Variants in MEGF11 observed in about 807,000 individuals in gnomAD.
The protein encoded by MEGF11 is multiple EGF like domains 11, also known as multiple epidermal growth factor-like domains protein 11.
Under a neutral mutation model 146.6 loss-of-function variants are expected in MEGF11, and 126 were observed. The observed-to-expected ratio is 0.86, with a 90% CI of 0.74 to 1.00. The LOEUF is 1.00. MEGF11 is among the 50% of genes least tolerant of loss of function. The pLI, the probability that MEGF11 is intolerant of heterozygous loss-of-function variation, is 0.00. For synonymous variants in MEGF11, 532 were observed against 583.4 expected (o/e 0.91, Z 1.27); for missense variants, 1,509 against 1,521.2 (o/e 0.99, Z 0.13).
intron 5 of MEGF11, among the ~76,000 whole-genome samples, chr15:65,989,590 G>A (rs543476664): frequency 1.3e-4 from 20 of 152,358 alleles, no homozygotes; most frequent in African/African-American, 4.8e-4. Context: ...ACTTCCCAGT[G>A]AGTGAGGCCA....
intron 1 of MEGF11, among the ~76,000 whole-genome samples, chr15:66,182,126 C>T (rs766099638): frequency 4.6e-5 from 7 of 152,164 alleles, no homozygotes; most frequent in Non-Finnish European, 1.0e-4. Flanking sequence ...CTAAGGACAA[C>T]AGCAGGTGGA....
At position 65,929,786 on chromosome 15, in the gene MEGF11, G is replaced by T. The variant is rs1205845940; in HGVS notation, c.1506C>A (p.Ser502Arg). Residue 502 changes from serine to arginine, a missense_variant, in exon 12 of 26, where the codon AGC becomes AGA. By Grantham distance (110) the Ser-to-Arg change is moderately radical. Coordinates refer to ENST00000395614, the MANE Select transcript of MEGF11 (RefSeq NM_001385028.1). The stretch of plus-strand genomic sequence containing the variant: ...TGCAGGAGCAGGAGCCGTCTATGGG[G>T]CTGCAGGCTGCCCCATTGGCACAGG... The part of the protein sequence containing the change: ...SCTCANGAAC[S>R]PIDGSCSCTP... 3.8e-6 allele frequency: 6 copies of T among 1,561,960 alleles called. No individual in the cohort carries two copies. In the South Asian group the frequency reaches 7.1e-5, roughly 18 times the overall value.
At chr15:66,020,264 C>T (rs1462548269) in intron 5 of MEGF11, among the ~76,000 whole-genome samples, 1 of 152,250 alleles carries the variant, frequency 6.6e-6, no homozygotes, top group Non-Finnish European at 1.5e-5. Context: ...TAGGTGTTCT[C>T]TTCCATTTGG....
At chr15:66,052,786 G>A (rs1282684351) in intron 5 of MEGF11, among the ~76,000 whole-genome samples, 1 of 152,220 alleles carries the variant, frequency 6.6e-6, no homozygotes, top group African/African-American at 2.4e-5. Flanking sequence ...AACCATGTTA[G>A]AAGGTTCTCA....
At chr15:66,040,925 T>TA (rs1202284962) in intron 5 of MEGF11, among the ~76,000 whole-genome samples, 1 of 150,934 alleles carries the variant, frequency 6.6e-6, no homozygotes, top group Admixed American at 6.6e-5. Flanking sequence ...TTTTTTTTTT[T>TA]TCCCCCCCGG....
At chr15:66,057,404 G>A (rs2084720634) in intron 5 of MEGF11, among the ~76,000 whole-genome samples, 1 of 152,096 alleles carries the variant, frequency 6.6e-6, no homozygotes, top group Non-Finnish European at 1.5e-5. Context: ...AGTGTAACAA[G>A]TTAATTCGTC....
intron 1 of MEGF11, among the ~76,000 whole-genome samples, chr15:66,205,542 A>C (rs1025997172): frequency 3.9e-5 from 6 of 152,196 alleles, no homozygotes; most frequent in Non-Finnish European, 7.3e-5. Flanking sequence ...TGTCTTCTCA[A>C]GGTTGTACAA....
chr15:66,061,943 A>AT (rs1173764097), intron 5 of MEGF11, among the ~76,000 whole-genome samples: 2 of 152,068 alleles, frequency 1.3e-5, no homozygotes, highest in Non-Finnish European at 1.5e-5. Flanking sequence ...CTAATTTAAA[A>AT]TTTTTTTGTA....
At chr15:65,952,127 T>C (rs899461682) in intron 10 of MEGF11, among the ~76,000 whole-genome samples, 4 of 152,214 alleles carry the variant, frequency 2.6e-5, no homozygotes, top group African/African-American at 9.7e-5. Flanking sequence ...CATACAGAAT[T>C]CAGTACTGCC....
intron 2 of MEGF11, among the ~76,000 whole-genome samples, chr15:66,125,699 G>T (rs1297627321): frequency 6.6e-6 from 1 of 152,232 alleles, no homozygotes; most frequent in Non-Finnish European, 1.5e-5. Flanking sequence ...GTGTTTAATA[G>T]ATGTTGACAG....
At chr15:66,182,113 C>A (rs1021193829) in intron 1 of MEGF11, among the ~76,000 whole-genome samples, 1 of 152,162 alleles carries the variant, frequency 6.6e-6, no homozygotes, top group African/African-American at 2.4e-5. Flanking sequence ...CAAGGCACCC[C>A]CTCTAAGGAC....
intron 1 of MEGF11, among the ~76,000 whole-genome samples, chr15:66,251,200 T>C (rs909241813): frequency 2.0e-5 from 3 of 152,252 alleles, no homozygotes; most frequent in Admixed American, 2.0e-4. Flanking sequence ...TGCTGTGCTT[T>C]GACCAGCCGC....
At chr15:65,973,103 G>C (rs1021779070) in intron 7 of MEGF11, among the ~76,000 whole-genome samples, 1 of 138,266 alleles carries the variant, frequency 7.2e-6, no homozygotes, top group African/African-American at 2.7e-5. Context: ...GGCAACAAGA[G>C]CAAAACTCTG....
chr15:66,111,940 A>G (rs1325532187), intron 4 of MEGF11, among the ~76,000 whole-genome samples: 3 of 152,210 alleles, frequency 2.0e-5, no homozygotes, highest in Non-Finnish European at 4.4e-5. Flanking sequence ...ATAAAATCCC[A>G]AATCAGGCTA....
intron 1 of MEGF11, among the ~76,000 whole-genome samples, chr15:66,210,304 G>A (rs916990062): frequency 6.6e-6 from 1 of 152,118 alleles, no homozygotes; most frequent in African/African-American, 2.4e-5. Flanking sequence ...GTAAAGAGGC[G>A]CTCACTCTCA....
chr15:66,216,782 G>A (rs916945884), intron 1 of MEGF11, among the ~76,000 whole-genome samples: 1 of 152,178 alleles, frequency 6.6e-6, no homozygotes, highest in Non-Finnish European at 1.5e-5. Context: ...GAAGGCTACA[G>A]TATGCTGCCC....
intron 1 of MEGF11, among the ~76,000 whole-genome samples, chr15:66,194,714 A>C (rs181686019): frequency 6.6e-6 from 1 of 152,120 alleles, no homozygotes; most frequent in Non-Finnish European, 1.5e-5. Flanking sequence ...TATTGGGTAC[A>C]GTGTACACTG....
chr15:65,986,512 G>A (rs999686207), intron 5 of MEGF11, among the ~76,000 whole-genome samples: 10 of 152,030 alleles, frequency 6.6e-5, no homozygotes, highest in Non-Finnish European at 1.3e-4. Flanking sequence ...ACAATGTTAG[G>A]GTTCACAGGG....
chr15:65,897,858 TTCAAG>T lies in MEGF11; in HGVS notation c.*71_*75del. On this transcript the variant is annotated 3_prime_UTR_variant, in exon 26 of 26. Coordinates refer to ENST00000395614, the MANE Select transcript of MEGF11 (RefSeq NM_001385028.1). ...AGCTGGAGCCAGTCTGTACCATTACTTCAAGTCAAGGGACTGTCTTCTTTCAGAGT... is the reference window on the plus strand; with the variant it reads ...AGCTGGAGCCAGTCTGTACCATTACTTCAAGGGACTGTCTTCTTTCAGAGT... The T allele has an allele frequency of 7.0e-7, 1 of 1,427,210 alleles. No homozygotes were observed. The highest frequency in any genetic ancestry group is 9.6e-7 in the Non-Finnish European group (1 of 1,044,072). The allele number at this position is 1,427,210 out of a possible 1,614,324, so 88.4% of individuals were successfully genotyped here. A position where few individuals can be genotyped will look rare whatever the true frequency, so the allele number is the denominator to read the frequency against.
Sources: allele counts gnomAD v4.1 joint callset (sites outside exome capture counted in the v4.1 genomes callset), GRCh38; gene constraint gnomAD v4.1.1; transcripts MANE v1.5; gene names NCBI Gene and HGNC (gene_info 2026-07-23, HGNC 2026-07-21).